Variants in FMN1 observed in about 807,000 individuals in gnomAD.
FMN1 encodes formin-1.
In FMN1, 110 loss-of-function variants were observed where a neutral mutation model predicts 132.4. The observed-to-expected ratio is 0.83, with a 90% confidence interval of 0.71 to 0.97. The LOEUF (loss-of-function observed/expected upper bound fraction) is 0.97. Ranked by LOEUF, FMN1 falls within the 50% of genes least tolerant of loss-of-function variation. FMN1 has a pLI of 0.00. For missense variants in FMN1, 1,792 were observed against 1,705.3 expected (o/e 1.05, Z -0.90); for synonymous variants, 722 against 651.7 (o/e 1.11, Z -1.64).
intron 6 of FMN1, among the ~76,000 whole-genome samples, chr15:33,051,722 T>G (rs989373247): frequency 1.3e-5 from 2 of 152,162 alleles, no homozygotes; most frequent in Non-Finnish European, 2.9e-5. Context: ...TGAGCACGTG[T>G]ACAACTCCAA....
intron 19 of FMN1, among the ~76,000 whole-genome samples, chr15:32,794,893 G>A (rs1369192661): frequency 6.6e-6 from 1 of 152,158 alleles, no homozygotes; most frequent in Admixed American, 6.5e-5. Context: ...AAAAAAACGT[G>A]ATCTTCAAGA....
intron 6 of FMN1, among the ~76,000 whole-genome samples, chr15:33,016,917 C>T (rs1483959032): frequency 6.6e-6 from 1 of 152,236 alleles, no homozygotes; most frequent in East Asian, 1.9e-4. Context: ...TCTACACTTT[C>T]TCTTGCAAGT....
chr15:32,827,484 A>G (rs1022188513), intron 17 of FMN1, among the ~76,000 whole-genome samples: 1 of 152,202 alleles, frequency 6.6e-6, no homozygotes, highest in Non-Finnish European at 1.5e-5. Flanking sequence ...TCATGTTTGT[A>G]CCACTTTCTA....
At chr15:32,937,346 T>C (rs2061299618) in intron 9 of FMN1, among the ~76,000 whole-genome samples, 1 of 152,214 alleles carries the variant, frequency 6.6e-6, no homozygotes, top group Non-Finnish European at 1.5e-5. Context: ...AATCAATGTA[T>C]TGTGCCAGAA....
chr15:33,067,717 C>T (rs1336278609), intron 5 of FMN1: 1 of 1,614,000 alleles, frequency 6.2e-7, no homozygotes, highest in East Asian at 2.2e-5. Flanking sequence ...ATGCTTTCAG[C>T]ACAGCATCTT....
At chr15:32,821,837 T>C (rs1365107823) in intron 17 of FMN1, among the ~76,000 whole-genome samples, 9 of 152,168 alleles carry the variant, frequency 5.9e-5, no homozygotes, top group Non-Finnish European at 1.3e-4. Context: ...TGGAACAATA[T>C]AAGGGAGGCT....
rs2140282641 is a variant in FMN1 at position 33,153,502 on chromosome 15, A to C, written c.1413T>G (p.Phe471Leu). The C allele has an allele frequency of 6.5e-7, 1 of 1,536,470 alleles. No individual in the cohort carries two copies. Among genetic ancestry groups the C allele is most frequent in the Non-Finnish European group, 8.7e-7 (1 of 1,146,986 alleles). ...GACCTACTTTGTGGGGCAGATCCAG[A>C]AACAAGGACTTGTGGCCACCAAGGG... The part of the protein sequence containing the change: ...GLPLGGHKSL[F>L]LDLPHKVGPD... The change falls in exon 4 of 21, where the codon TTT becomes TTG. Residue 471 changes from phenylalanine to leucine, a missense_variant. Physicochemically the swap from Phe to Leu is conservative, Grantham distance 22. Transcript: ENST00000616417.
intron 9 of FMN1, among the ~76,000 whole-genome samples, chr15:32,962,765 G>C (rs1010905789): frequency 1.3e-5 from 2 of 151,338 alleles, no homozygotes; most frequent in African/African-American, 4.9e-5. Flanking sequence ...CTGGCCATCA[G>C]AGAAATGCAA....
intron 6 of FMN1, among the ~76,000 whole-genome samples, chr15:33,030,083 G>A (rs888388923): frequency 9.2e-5 from 14 of 152,288 alleles, no homozygotes; most frequent in East Asian, 3.9e-4. Context: ...GCGTGAACCC[G>A]GGAGGCAAAG....
At chr15:33,065,095 T>G in intron 5 of FMN1, 21 bp from the exon 6 acceptor site, 1 of 1,533,862 alleles carries the variant, frequency 6.5e-7, no homozygotes, top group Non-Finnish European at 9.0e-7. Flanking sequence ...AGCAGGCAAA[T>G]AGTAAGTGGA....
intron 9 of FMN1, among the ~76,000 whole-genome samples, chr15:32,939,799 G>A (rs999840401): frequency 7.9e-5 from 12 of 152,150 alleles, no homozygotes; most frequent in South Asian, 6.2e-4. Context: ...TTTACTGAAC[G>A]CTGTGGACTG....
At chr15:33,012,200 A>G (rs752631881) in intron 6 of FMN1, 137 of 616,228 alleles carry the variant, frequency 2.2e-4, no homozygotes, top group Non-Finnish European at 1.7e-4. Context: ...GAAACCACCG[A>G]TAAGTGCCTG....
intron 6 of FMN1, among the ~76,000 whole-genome samples, chr15:33,021,198 G>A (rs1015188309): frequency 2.6e-5 from 4 of 152,150 alleles, no homozygotes; most frequent in Admixed American, 6.5e-5. Flanking sequence ...CAGCAGTCAA[G>A]AACAGCCTGA....
At chr15:32,784,106 A>G (rs912169269) in intron 19 of FMN1, among the ~76,000 whole-genome samples, 4 of 152,182 alleles carry the variant, frequency 2.6e-5, no homozygotes, top group African/African-American at 9.7e-5. Flanking sequence ...CAAGAGATAA[A>G]TGAGATATGG....
chr15:33,006,434 C>G (rs1286317380), intron 7 of FMN1, among the ~76,000 whole-genome samples: 1 of 152,108 alleles, frequency 6.6e-6, no homozygotes, highest in Non-Finnish European at 1.5e-5. Flanking sequence ...AACCCATGCA[C>G]ACTGTTGGTA....
At chr15:32,779,366 A>G (rs1595893013) in intron 19 of FMN1, among the ~76,000 whole-genome samples, 1 of 152,242 alleles carries the variant, frequency 6.6e-6, no homozygotes, top group Non-Finnish European at 1.5e-5. Flanking sequence ...TCAGCATGAT[A>G]GTATTTCTTA....
intron 4 of FMN1, among the ~76,000 whole-genome samples, chr15:33,129,905 A>G (rs1595543227): frequency 6.7e-6 from 1 of 148,520 alleles, no homozygotes; most frequent in Non-Finnish European, 1.5e-5. Context: ...CCATTCCCCT[A>G]CCTCAGCCTC....
At chr15:32,818,773 A>G (rs1596000208) in intron 17 of FMN1, among the ~76,000 whole-genome samples, 1 of 152,196 alleles carries the variant, frequency 6.6e-6, no homozygotes, top group East Asian at 1.9e-4. Context: ...GACAAGCCAC[A>G]CACACAAGCA....
chr15:33,118,315 G>T (rs1235260661), intron 4 of FMN1, among the ~76,000 whole-genome samples: 1 of 151,990 alleles, frequency 6.6e-6, no homozygotes, highest in Non-Finnish European at 1.5e-5. Context: ...CAGTCCATTT[G>T]GTACCCTTGG....
Sources: allele counts gnomAD v4.1 joint callset (sites outside exome capture counted in the v4.1 genomes callset), GRCh38; gene constraint gnomAD v4.1.1; transcripts MANE v1.5; gene names NCBI Gene and HGNC (gene_info 2026-07-23, HGNC 2026-07-21).